The following SPNS2 variants were observed in gnomAD, a reference collection of about 807,000 sequenced individuals.
SPNS2 encodes sphingosine-1-phosphate transporter SPNS2.
Under a neutral mutation model 57.6 loss-of-function variants are expected in SPNS2, and 37 were observed. The observed-to-expected ratio is 0.64, with a 90% CI of 0.49 to 0.85. The LOEUF (loss-of-function observed/expected upper bound fraction) is 0.85, where lower values mean the gene tolerates loss of function less well. Ranked by LOEUF, SPNS2 falls within the 40% of genes least tolerant of loss-of-function variation. The pLI is 0.00. For missense variants in SPNS2, 831 were observed against 779.1 expected (o/e 1.07, Z -0.79); for synonymous variants, 440 against 346.9 (o/e 1.27, Z -2.98).
intron 1 of SPNS2, among the ~76,000 whole-genome samples, chr17:4,508,592 G>A (rs1334907012): frequency 6.6e-6 from 1 of 152,160 alleles, no homozygotes. Context: ...CACTGTGGTT[G>A]GGAGAAGAGC....
In SPNS2 at chr17:4,538,623, G is replaced by C. The variant is rs945242376; in HGVS notation, c.*1175G>C. The C allele has an allele frequency of 2.1e-6, 1 of 481,198 alleles. No homozygotes were observed. Among genetic ancestry groups the C allele is most frequent in the African/African-American group, 1.9e-5 (1 of 51,298 alleles). 29.8% of individuals were successfully genotyped at this position (481,198 alleles called of 1,614,324 possible). ...TTCTGCTGCAATCAAGGTGGTTCTG[G>C]TGCGGGGGTGGGGTGGGGGGTGAGG... is the stretch of plus-strand genomic sequence containing the variant. On this transcript the variant is annotated 3_prime_UTR_variant, in exon 13 of 13. Coordinates refer to ENST00000329078, the MANE Select transcript of SPNS2 (RefSeq NM_001124758.3).
intron 11 of SPNS2, 86 bp downstream of exon 11, chr17:4,536,512 CG>C (rs974837678): frequency 7.3e-7 from 1 of 1,367,660 alleles, no homozygotes; most frequent in Non-Finnish European, 1.0e-6. Context: ...TGGGGTGGGG[CG>C]GGGAGGGTAC....
chr17:4,536,460 G>T lies in SPNS2; in HGVS notation c.1607+34G>T, dbSNP rs200896932. On this transcript the variant is annotated intron_variant, in intron 11 of 12. Transcript: ENST00000329078. ...GGGGGAGGGGAGGCCCTGCTGCACC[G>T]CCGGGAAGCAGGGACCGTGATAGCC... The T allele has an allele frequency of 4.5e-4, 714 of 1,576,848 alleles. 7 individuals carry two copies. The South Asian group carries it at 6.2e-3, about 14-fold the overall frequency.
rs569231692 is a variant in SPNS2, at chr17:4,535,459, G to A, written c.1345-617G>A. ...CTGTGGCGGGGGTTCAGGTTCCCTC[G>A]GGAACATGTGCCTCTCTAGACCTCA... On this transcript the variant is annotated intron_variant, in intron 9 of 12. Coordinates refer to ENST00000329078, the MANE Select transcript of SPNS2 (RefSeq NM_001124758.3). Among the ~76,000 whole-genome samples, 313 of 152,262 alleles carry A rather than the reference G, an allele frequency of 2.1e-3. 2 individuals carry two copies. The highest frequency in any genetic ancestry group is 6.4e-3 in the African/African-American group (264 of 41,548).
In SPNS2 at chr17:4,533,028, G is replaced by A. The variant is rs371622226; in HGVS notation, c.987G>A (p.Thr329=). Reference sequence around the variant, plus strand: ...CCACGTCGGCTGTCTCCTTCGCCACGGGGGCCCTGGGCATGTGGATCCCGC... The same window carrying A: ...CCACGTCGGCTGTCTCCTTCGCCACAGGGGCCCTGGGCATGTGGATCCCGC... ...SLATSAVSFA[T]GALGMWIPLY... The change falls in exon 7 of 13, where the codon ACG becomes ACA. Residue 329 remains threonine, a synonymous_variant. Transcript: ENST00000329078. 9.8e-5 allele frequency: 158 copies of A among 1,613,150 alleles called. No homozygotes were observed. The highest frequency in any genetic ancestry group is 1.2e-4 in the Non-Finnish European group (138 of 1,179,912).
chr17:4,536,449 C>T (rs751159117), intron 11 of SPNS2, 23 bp downstream of exon 11: 1 of 1,582,016 alleles, frequency 6.3e-7, no homozygotes, highest in Non-Finnish European at 8.6e-7. Flanking sequence ...GAGGGGAGGC[C>T]CTGCTGCACC....
intron 3 of SPNS2, among the ~76,000 whole-genome samples, chr17:4,527,868 C>G (rs1362293292): frequency 2.0e-5 from 3 of 151,486 alleles, no homozygotes; most frequent in Non-Finnish European, 4.4e-5. Context: ...TCTCCCGTGG[C>G]CCAGCCTTCT....
At position 4,538,828 on chromosome 17, in the gene SPNS2, C is replaced by G; in HGVS notation, c.*1380C>G. 1.3e-6 allele frequency: 1 copy of G among 775,530 alleles called. No individual in the cohort carries two copies. Among genetic ancestry groups the G allele is most frequent in the Non-Finnish European group, 2.4e-6 (1 of 416,060 alleles). 48.0% of individuals were successfully genotyped at this position (775,530 alleles called of 1,614,324 possible). Reference sequence around the variant, plus strand: ...GGGTGGGGGTGGCATCCTCCAAAGACCAGCCTCCACCCCCACTCCAGCCTC... The same window carrying G: ...GGGTGGGGGTGGCATCCTCCAAAGAGCAGCCTCCACCCCCACTCCAGCCTC... On this transcript the variant is annotated 3_prime_UTR_variant, in exon 13 of 13. Coordinates refer to ENST00000329078, the MANE Select transcript of SPNS2 (RefSeq NM_001124758.3).
Position 4,536,440 on chromosome 17 carries a change from A to AC in SPNS2, c.1607+14_1607+15insC. 1 of 1,398,928 alleles carries AC rather than the reference A, an allele frequency of 7.1e-7. No individual in the cohort carries two copies. The highest frequency in any genetic ancestry group is 1.9e-5 in the Admixed American group (1 of 52,294). The allele number at this position is 1,398,928 out of a possible 1,614,324, so 86.7% of individuals were successfully genotyped here. A position where few individuals can be genotyped will look rare whatever the true frequency, so the allele number is the denominator to read the frequency against. ...GGCTGAGCAGCAGTGAGTGGGGGGGAGGGGAGGCCCTGCTGCACCGCCGGG... is the reference window on the plus strand; with the variant it reads ...GGCTGAGCAGCAGTGAGTGGGGGGGACGGGGAGGCCCTGCTGCACCGCCGGG... On this transcript the variant is annotated intron_variant, in intron 11 of 12. Transcript: ENST00000329078.
chr17:4,521,588 A>G (rs1240633039), intron 2 of SPNS2, among the ~76,000 whole-genome samples: 1 of 152,270 alleles, frequency 6.6e-6, no homozygotes, highest in African/African-American at 2.4e-5. Context: ...AGGCCAGCTC[A>G]TGAGAGTCAA....
intron 2 of SPNS2, among the ~76,000 whole-genome samples, chr17:4,522,315 G>A (rs368921752): frequency 9.5e-4 from 145 of 152,364 alleles, no homozygotes; most frequent in African/African-American, 3.3e-3. Context: ...GCTGTGGCCT[G>A]ACTGAGGTCA....
rs1375048753 is a variant in SPNS2 at position 4,512,705 on chromosome 17, T to C, written c.371-542T>C. On this transcript the variant is annotated intron_variant, in intron 1 of 12. Transcript: ENST00000329078. This position sits in a 1 kb window ranked among gnomAD's most constrained non-coding sequence, Gnocchi z 5.2. ...GTGTGTATGCATGTGTGCAGGTGTG[T>C]GCACACACGTGCGTGCGTGTGCAGG... 6.6e-6 allele frequency among the ~76,000 whole-genome samples: 1 copy of C among 151,426 alleles called. No individual in the cohort carries two copies. Among genetic ancestry groups the C allele is most frequent in the Non-Finnish European group, 1.5e-5 (1 of 67,886 alleles).
chr17:4,532,198 C>T (rs962806470), intron 5 of SPNS2, among the ~76,000 whole-genome samples: 2 of 152,150 alleles, frequency 1.3e-5, no homozygotes, highest in Non-Finnish European at 2.9e-5. Context: ...CTCCATCTAT[C>T]TCTGTCCATC....
chr17:4,534,646 C>T (rs1465271384), intron 9 of SPNS2, among the ~76,000 whole-genome samples: 2 of 152,114 alleles, frequency 1.3e-5, no homozygotes, highest in African/African-American at 4.8e-5. Flanking sequence ...GCCTGCCTTA[C>T]CCCACCCTGA....
intron 3 of SPNS2, among the ~76,000 whole-genome samples, chr17:4,529,295 G>A (rs1905358770): frequency 1.3e-5 from 2 of 151,726 alleles, no homozygotes; most frequent in Admixed American, 1.3e-4. Flanking sequence ...ACCCAGGCTG[G>A]TCTCGAACTC....
intron 2 of SPNS2, among the ~76,000 whole-genome samples, chr17:4,514,179 G>A (rs1201326773): frequency 6.6e-6 from 1 of 152,244 alleles, no homozygotes; most frequent in African/African-American, 2.4e-5. Context: ...TCAGGGCTTG[G>A]GGCGGGAGGC....
At chr17:4,535,566 A>C (rs948969108) in intron 9 of SPNS2, among the ~76,000 whole-genome samples, 1 of 152,204 alleles carries the variant, frequency 6.6e-6, no homozygotes, top group Non-Finnish European at 1.5e-5. Context: ...CTGGAGAGGC[A>C]GCAGCATGGC....
At chr17:4,523,141 A>G (rs1905180233) in intron 2 of SPNS2, among the ~76,000 whole-genome samples, 1 of 152,206 alleles carries the variant, frequency 6.6e-6, no homozygotes, top group African/African-American at 2.4e-5. Flanking sequence ...TTGACCGCTC[A>G]ATTTAAAATT....
rs997962007 is a variant in SPNS2, at chr17:4,512,269, C to T, written c.371-978C>T. On this transcript the variant is annotated intron_variant, in intron 1 of 12. Coordinates refer to ENST00000329078, the MANE Select transcript of SPNS2 (RefSeq NM_001124758.3). This position sits in a 1 kb window ranked among gnomAD's most constrained non-coding sequence, Gnocchi z 5.2. ...GCTCTGGCCTGTGCCCTGGGTCCTC[C>T]TGTCCTCACAGATAATGCAGGCAGG... Among the ~76,000 whole-genome samples, 3 of 152,188 alleles carry T rather than the reference C, an allele frequency of 2.0e-5. No individual in the cohort carries two copies. The highest frequency in any genetic ancestry group is 7.2e-5 in the African/African-American group (3 of 41,434).
Sources: allele counts gnomAD v4.1 joint callset (sites outside exome capture counted in the v4.1 genomes callset), GRCh38; gene constraint gnomAD v4.1.1; non-coding constraint Gnocchi (gnomAD v3.1); transcripts MANE v1.5; gene names NCBI Gene and HGNC (gene_info 2026-07-23, HGNC 2026-07-21).